The following PDZD2 variants were observed in gnomAD, a reference collection of about 807,000 sequenced individuals.
PDZD2 encodes PDZ domain containing 2.
PDZD2 carries 90 observed loss-of-function variants against 220.7 expected under a neutral mutation model. That is an observed-to-expected ratio of 0.41 (90% CI 0.34 to 0.49). The LOEUF is 0.49. PDZD2 is among the 20% of genes least tolerant of loss of function. The pLI is 0.28. For missense variants in PDZD2, 3,174 were observed against 3,608.5 expected (o/e 0.88, Z 3.08); for synonymous variants, 1,375 against 1,450.5 (o/e 0.95, Z 1.18).
chr5:31,703,206 G>A (rs1394435384), intron 1 of PDZD2, among the ~76,000 whole-genome samples: 1 of 152,240 alleles, frequency 6.6e-6, no homozygotes, highest in Non-Finnish European at 1.5e-5. Flanking sequence ...GAATTACAGA[G>A]TGCTTTAGGG....
At chr5:32,022,496 C>T (rs1345646612) in intron 6 of PDZD2, among the ~76,000 whole-genome samples, 1 of 151,948 alleles carries the variant, frequency 6.6e-6, no homozygotes, top group Non-Finnish European at 1.5e-5. Flanking sequence ...TATGAGCCCC[C>T]GCACCCAGCC....
intron 1 of PDZD2, among the ~76,000 whole-genome samples, chr5:31,745,844 A>C (rs531091600): frequency 6.7e-6 from 1 of 150,214 alleles, no homozygotes; most frequent in Non-Finnish European, 1.5e-5. Context: ...TTAAGAAATA[A>C]TGGGTCTGTT....
intron 2 of PDZD2, among the ~76,000 whole-genome samples, chr5:31,835,110 G>A (rs1378683670): frequency 6.6e-6 from 1 of 151,994 alleles, no homozygotes; most frequent in Non-Finnish European, 1.5e-5. Context: ...TGATTTTGAG[G>A]CAAAGAAAAA....
intron 20 of PDZD2, among the ~76,000 whole-genome samples, chr5:32,091,578 C>T (rs1032079336): frequency 1.3e-5 from 2 of 152,078 alleles, no homozygotes; most frequent in Non-Finnish European, 2.9e-5. Context: ...CCACTGCACC[C>T]GGCCACTTCT....
intron 2 of PDZD2, among the ~76,000 whole-genome samples, chr5:31,942,582 G>A (rs1024396587): frequency 6.6e-6 from 1 of 152,122 alleles, no homozygotes; most frequent in African/African-American, 2.4e-5. Flanking sequence ...TAATCCTCCC[G>A]CCTCAGCTTC....
At chr5:31,664,603 C>T (rs1344497166) in intron 1 of PDZD2, among the ~76,000 whole-genome samples, 2 of 152,182 alleles carry the variant, frequency 1.3e-5, no homozygotes, top group East Asian at 3.8e-4. Context: ...GTGATTCATA[C>T]GACGGCAGAG....
intron 2 of PDZD2, among the ~76,000 whole-genome samples, chr5:31,933,620 A>G (rs1047216592): frequency 6.6e-6 from 1 of 152,254 alleles, no homozygotes; most frequent in East Asian, 1.9e-4. Context: ...AAAGATCCAC[A>G]CCTTGTCCCC....
intron 5 of PDZD2, among the ~76,000 whole-genome samples, chr5:32,008,184 C>T (rs759200934): frequency 6.0e-5 from 9 of 149,796 alleles, no homozygotes; most frequent in Non-Finnish European, 1.2e-4. Context: ...GAGTCTTATT[C>T]CATGTATTTT....
chr5:31,983,231 T>C lies in PDZD2; in HGVS notation c.553T>C (p.Ser185Pro). The C allele has an allele frequency of 1.2e-6, 2 of 1,614,138 alleles. No individual in the cohort carries two copies. The highest frequency in any genetic ancestry group is 1.7e-6 in the Non-Finnish European group (2 of 1,180,004). ...GCGTCGCTTTAAGCACAAAGCCCAC[T>C]CCACTTATAATGGCAACAGTAGCAA... ...MLRRFKHKAH[S>P]TYNGNSSNSS... The change falls in exon 3 of 25, where the codon TCC (serine) becomes CCC (proline). Residue 185 changes from serine to proline, a missense_variant. This residue lies in a region of PDZD2 where 632 missense variants were observed against 708.1 expected (regional missense o/e 0.89). Coordinates refer to ENST00000438447, the MANE Select transcript of PDZD2 (RefSeq NM_178140.4).
chr5:31,809,895 A>G (rs567842979), intron 2 of PDZD2, among the ~76,000 whole-genome samples: 1 of 152,286 alleles, frequency 6.6e-6, no homozygotes, highest in African/African-American at 2.4e-5. Context: ...CTCCTCTGGT[A>G]CCCTGGTCAC....
In PDZD2 at chr5:31,688,395, G is replaced by T. The variant is rs559751424; in HGVS notation, c.-361+48958G>T. Among the ~76,000 whole-genome samples, 72 of 152,272 alleles carry T rather than the reference G, an allele frequency of 4.7e-4. 1 individual carries two copies. The highest frequency in any genetic ancestry group is 2.4e-3 in the Admixed American group (37 of 15,296). On this transcript the variant is annotated intron_variant, in intron 1 of 24. Coordinates refer to ENST00000438447, the MANE Select transcript of PDZD2 (RefSeq NM_178140.4). Reference sequence around the variant, plus strand: ...GGGCTGGTCCACTTCTTTTCAGATTGGCTTCCACTGAATTAGTTGACCCAG... The same window carrying T: ...GGGCTGGTCCACTTCTTTTCAGATTTGCTTCCACTGAATTAGTTGACCCAG...
chr5:31,913,980 A>G (rs929330125), intron 2 of PDZD2, among the ~76,000 whole-genome samples: 1 of 152,136 alleles, frequency 6.6e-6, no homozygotes. Context: ...TAAAAGCTAG[A>G]GCCAGATGTC....
chr5:31,810,090 T>TG (rs1755000961), intron 2 of PDZD2, among the ~76,000 whole-genome samples: 1 of 152,222 alleles, frequency 6.6e-6, no homozygotes, highest in African/African-American at 2.4e-5. Context: ...GTTATAGTGT[T>TG]ACTGGTCCAA....
chr5:31,870,283 C>T (rs903071821), intron 2 of PDZD2, among the ~76,000 whole-genome samples: 10 of 152,140 alleles, frequency 6.6e-5, no homozygotes, highest in Admixed American at 1.3e-4. Flanking sequence ...GAGTCCACCC[C>T]GGCCCCTGCA....
chr5:32,060,645 G>A (rs892499515), intron 13 of PDZD2, among the ~76,000 whole-genome samples: 5 of 152,108 alleles, frequency 3.3e-5, no homozygotes, highest in African/African-American at 1.2e-4. Flanking sequence ...TCTGCACAAT[G>A]GGAATAATTT....
At chr5:31,906,600 T>C (rs1158740318) in intron 2 of PDZD2, among the ~76,000 whole-genome samples, 1 of 152,114 alleles carries the variant, frequency 6.6e-6, no homozygotes, top group Non-Finnish European at 1.5e-5. Flanking sequence ...CCTCACACTT[T>C]GGGAAGCTGA....
chr5:31,800,463 T>C (rs1172466440), intron 2 of PDZD2, among the ~76,000 whole-genome samples: 2 of 152,174 alleles, frequency 1.3e-5, no homozygotes, highest in Non-Finnish European at 2.9e-5. Context: ...TGGCTGAGCT[T>C]AGCTACTCCT....
chr5:32,041,908 C>G (rs1036935151), intron 7 of PDZD2, among the ~76,000 whole-genome samples: 10 of 90,942 alleles, frequency 1.1e-4, no homozygotes, highest in Non-Finnish European at 1.9e-4. Context: ...AAAAAGAAAG[C>G]AAAAAAAAAA....
intron 2 of PDZD2, among the ~76,000 whole-genome samples, chr5:31,901,686 C>A (rs1266379763): frequency 6.6e-6 from 1 of 152,188 alleles, no homozygotes; most frequent in Non-Finnish European, 1.5e-5. Flanking sequence ...TCAAGCAGAT[C>A]TGTAGACATC....
Sources: allele counts gnomAD v4.1 joint callset (sites outside exome capture counted in the v4.1 genomes callset), GRCh38; gene constraint gnomAD v4.1.1; regional missense constraint gnomAD v4.1.1; transcripts MANE v1.5; gene names NCBI Gene and HGNC (gene_info 2026-07-23, HGNC 2026-07-21).